OSBP2: variants seen among roughly 807,000 people sequenced by gnomAD.
The protein encoded by OSBP2 is oxysterol-binding protein 2.
In OSBP2, 66 loss-of-function variants were observed where a neutral mutation model predicts 96.0. That is an observed-to-expected ratio of 0.69 (90% CI 0.56 to 0.84). The LOEUF (loss-of-function observed/expected upper bound fraction) is 0.84, where lower values mean the gene tolerates loss of function less well. OSBP2 is among the 40% of genes least tolerant of loss of function. The probability of loss-of-function intolerance (pLI) is 0.00; values close to 1 mark genes in which losing one functional copy is unlikely to be tolerated. For synonymous variants in OSBP2, 525 were observed against 520.9 expected (o/e 1.01, Z -0.11); for missense variants, 1,038 against 1,222.7 (o/e 0.85, Z 2.25).
chr22:30,696,704 A>G (rs2089043391), intron 1 of OSBP2, among the ~76,000 whole-genome samples: 1 of 152,024 alleles, frequency 6.6e-6, no homozygotes, highest in Non-Finnish European at 1.5e-5. Flanking sequence ...CCCAGGCTGG[A>G]GTGCAGTGGT....
At chr22:30,832,757 G>C (rs1017143247) in intron 2 of OSBP2, among the ~76,000 whole-genome samples, 3 of 152,180 alleles carry the variant, frequency 2.0e-5, no homozygotes, top group African/African-American at 7.2e-5. Flanking sequence ...AAACATGCTG[G>C]CATTCTCAAT....
intron 2 of OSBP2, chr22:30,803,093 G>A: frequency 4.7e-6 from 1 of 211,424 alleles, no homozygotes; most frequent in Middle Eastern, 1.9e-3. Context: ...GAAGGCGGCG[G>A]CGGCGGCGGC....
intron 2 of OSBP2, among the ~76,000 whole-genome samples, chr22:30,789,587 G>A (rs113147183): frequency 7.6e-4 from 116 of 152,308 alleles, no homozygotes; most frequent in Middle Eastern, 6.8e-3. Context: ...AGAAAAAAAC[G>A]GGAAGAGCCT....
intron 3 of OSBP2, among the ~76,000 whole-genome samples, chr22:30,873,178 T>A (rs944289464): frequency 6.6e-6 from 1 of 152,132 alleles, no homozygotes; most frequent in Non-Finnish European, 1.5e-5. Flanking sequence ...TAGGTGGCCA[T>A]GCCAAGATAC....
chr22:30,739,475 CT>C (rs544245265), intron 1 of OSBP2, among the ~76,000 whole-genome samples: 2 of 151,872 alleles, frequency 1.3e-5, no homozygotes, highest in South Asian at 4.2e-4. Context: ...CTCTGTAGTT[CT>C]TTTTTTTGTT....
intron 3 of OSBP2, among the ~76,000 whole-genome samples, chr22:30,879,144 G>A (rs1267313641): frequency 6.6e-6 from 1 of 152,202 alleles, no homozygotes; most frequent in East Asian, 1.9e-4. Flanking sequence ...GAGATCACGT[G>A]GGGCTCCTTA....
chr22:30,880,077 G>A (rs1169274721), intron 3 of OSBP2, among the ~76,000 whole-genome samples: 1 of 151,540 alleles, frequency 6.6e-6, no homozygotes, highest in East Asian at 1.9e-4. Context: ...AGGCCAGCCC[G>A]CCACTCCTCA....
At chr22:30,730,772 CTCTATATATATA>C (rs2089753136) in intron 1 of OSBP2, among the ~76,000 whole-genome samples, 1 of 20,574 alleles carries the variant, frequency 4.9e-5, no homozygotes, top group Non-Finnish European at 9.4e-5. Flanking sequence ...CTCTCTCTCT[CTCTATATATATA>C]TATATATATA....
chr22:30,809,717 T>C (rs916826606), intron 2 of OSBP2, among the ~76,000 whole-genome samples: 1 of 152,152 alleles, frequency 6.6e-6, no homozygotes, highest in Non-Finnish European at 1.5e-5. Context: ...GTAATTTCAG[T>C]AAATTGTCCC....
intron 2 of OSBP2, among the ~76,000 whole-genome samples, chr22:30,754,116 GA>G (rs1360307521): frequency 6.6e-6 from 1 of 151,988 alleles, no homozygotes; most frequent in Non-Finnish European, 1.5e-5. Context: ...GCTGCTTGGG[GA>G]AAAAATAGAT....
intron 1 of OSBP2, among the ~76,000 whole-genome samples, chr22:30,698,022 C>T (rs1217881260): frequency 6.6e-6 from 1 of 152,206 alleles, no homozygotes; most frequent in African/African-American, 2.4e-5. Flanking sequence ...TGACGCCGCT[C>T]TCCTGTCCCC....
Position 30,764,113 on chromosome 22 carries a change from G to C in OSBP2, c.853+22744G>C, listed in dbSNP as rs11912355. ...ACCTCCCTCTTGGGCCTTCACTTCT[G>C]GGGGGCTAGCCTAGCGCCTCAGGGG... On this transcript the variant is annotated intron_variant, in intron 2 of 13. Coordinates refer to ENST00000332585, the MANE Select transcript of OSBP2 (RefSeq NM_030758.4). The C allele has an allele frequency of 7.1e-3, 2,329 of 327,252 alleles. 46 individuals carry two copies. Among genetic ancestry groups the C allele is most frequent in the African/African-American group, 0.048 (2,158 of 44,928 alleles). The allele number at this position is 327,252 out of a possible 1,614,324, so 20.3% of individuals were successfully genotyped here.
rs2089159653 is a variant in OSBP2, at chr22:30,701,365, A to G, written c.644+5812A>G. ...TTTTCTTTTTTTTTTTTTTTTTGAG[A>G]CAGAGTCTCGCTCTGTAGCCCAGGC... On this transcript the variant is annotated intron_variant, in intron 1 of 13. Coordinates refer to ENST00000332585, the MANE Select transcript of OSBP2 (RefSeq NM_030758.4). Among the ~76,000 whole-genome samples the G allele has an allele frequency of 2.5e-5, 3 of 122,382 alleles. No individual in the cohort carries two copies. The Admixed American group carries it at 3.2e-4, about 13-fold the overall frequency. The allele number at this position is 122,382 out of a possible 152,430, so 80.3% of individuals were successfully genotyped here. A position where few individuals can be genotyped will look rare whatever the true frequency, so the allele number is the denominator to read the frequency against.
At chr22:30,752,528 G>A (rs2090090756) in intron 2 of OSBP2, among the ~76,000 whole-genome samples, 1 of 151,878 alleles carries the variant, frequency 6.6e-6, no homozygotes, top group South Asian at 2.1e-4. Flanking sequence ...CTGACCTTGT[G>A]ATCCGCCTGC....
chr22:30,816,582 G>A (rs2091085971), intron 2 of OSBP2, among the ~76,000 whole-genome samples: 2 of 152,168 alleles, frequency 1.3e-5, no homozygotes, highest in African/African-American at 2.4e-5. Flanking sequence ...TGGCTCCAGG[G>A]CAAAACCTTC....
chr22:30,756,470 G>A (rs147301146), intron 2 of OSBP2, among the ~76,000 whole-genome samples: 171 of 152,214 alleles, frequency 1.1e-3, no homozygotes, highest in Middle Eastern at 0.01. Context: ...TGAGGTGGGC[G>A]GATCACGAGG....
In OSBP2 at chr22:30,858,301, C is replaced by T. The variant is rs564484116; in HGVS notation, c.854-12128C>T. ...AGCTGGGACTACAGGCGCCCGCCAC[C>T]GCGCCCGGCTAATTTTTTGTATTTT... On this transcript the variant is annotated intron_variant, in intron 2 of 13. Coordinates refer to ENST00000332585, the MANE Select transcript of OSBP2 (RefSeq NM_030758.4). Among the ~76,000 whole-genome samples, 281 of 151,010 alleles carry T rather than the reference C, an allele frequency of 1.9e-3. 3 individuals carry two copies. Among genetic ancestry groups the T allele is most frequent in the African/African-American group, 6.5e-3 (266 of 40,922 alleles).
At chr22:30,737,620 C>T (rs776163443) in intron 1 of OSBP2, among the ~76,000 whole-genome samples, 5 of 152,046 alleles carry the variant, frequency 3.3e-5, no homozygotes, top group Non-Finnish European at 5.9e-5. Context: ...TGAGCCACCA[C>T]GCCCAACCTA....
chr22:30,889,371 C>T, intron 6 of OSBP2, 119 bp from the exon 7 acceptor site: 4 of 1,439,226 alleles, frequency 2.8e-6, no homozygotes, highest in Non-Finnish European at 3.9e-6. Context: ...TGGCCTTCCA[C>T]CAGCAGCGTA....
Sources: allele counts gnomAD v4.1 joint callset (sites outside exome capture counted in the v4.1 genomes callset), GRCh38; gene constraint gnomAD v4.1.1; transcripts MANE v1.5; gene names NCBI Gene and HGNC (gene_info 2026-07-23, HGNC 2026-07-21).